Variants in SMARCAD1 observed in about 807,000 individuals in gnomAD.
SMARCAD1 encodes SNF2 related chromatin remodeling ATPase with DExD box 1.
SMARCAD1 carries 25 observed loss-of-function variants against 127.1 expected under a neutral mutation model. That is an observed-to-expected ratio of 0.20 (90% CI 0.14 to 0.27). SMARCAD1 has a LOEUF of 0.27. Ranked by LOEUF, SMARCAD1 falls within the 10% of genes least tolerant of loss-of-function variation. SMARCAD1 has a pLI of 1.00. For synonymous variants in SMARCAD1, 400 were observed against 396.9 expected (o/e 1.01, Z -0.09); for missense variants, 807 against 1,206.0 (o/e 0.67, Z 4.90).
chr4:94,207,856 G>C (rs958971784), upstream of SMARCAD1: 2 of 336,310 alleles, frequency 5.9e-6, no homozygotes, highest in African/African-American at 4.3e-5. Flanking sequence ...TCTCAGCTGG[G>C]ATCGCGCCGC....
intron 16 of SMARCAD1, 131 bp downstream of exon 16, chr4:94,277,290 C>G: frequency 9.4e-7 from 1 of 1,058,458 alleles, no homozygotes; most frequent in Admixed American, 1.9e-5. Context: ...GGTGATAACT[C>G]TATATTTGGA....
At chr4:94,230,728 T>G (rs1408651739) in intron 3 of SMARCAD1, among the ~76,000 whole-genome samples, 3 of 152,096 alleles carry the variant, frequency 2.0e-5, no homozygotes, top group Non-Finnish European at 4.4e-5. Context: ...ATGTGTATGC[T>G]AGAAACTCTG....
chr4:94,265,400 GA>G (rs34360331), intron 10 of SMARCAD1, among the ~76,000 whole-genome samples: 57,386 of 151,460 alleles, frequency 0.38, 11,850 homozygotes, highest in East Asian at 0.71. Context: ...TTTTGGGGTA[GA>G]AATACATCAG....
At chr4:94,230,651 C>A (rs772588240) in intron 3 of SMARCAD1, among the ~76,000 whole-genome samples, 3 of 152,110 alleles carry the variant, frequency 2.0e-5, no homozygotes, top group African/African-American at 7.2e-5. Context: ...TCAGAAATAT[C>A]TCCAGACATT....
chr4:94,233,715 C>G (rs1200551392), intron 3 of SMARCAD1, among the ~76,000 whole-genome samples: 4 of 152,076 alleles, frequency 2.6e-5, no homozygotes, highest in Non-Finnish European at 5.9e-5. Context: ...TCCTTTTGTT[C>G]GTTTCCATCC....
Position 94,226,254 on chromosome 4 carries a change from C to T in SMARCAD1, c.326C>T (p.Thr109Ile), listed in dbSNP as rs1744964912. Residue 109 changes from threonine (T) to isoleucine (I), a missense_variant, in exon 3 of 24, where the codon ACA becomes ATA. By Grantham distance (89) the Thr-to-Ile change is moderately conservative (BLOSUM62 -1). Transcript: ENST00000354268. The part of the protein sequence containing the change: ...EDVVSPNCSN[T>I]VQEKTFNKDT... ...GTCGTTTCCCCAAATTGCTCCAATA[C>T]AGTTCAAGAGAAAACATTCAACAAA... 3 of 1,613,140 alleles carry T rather than the reference C, an allele frequency of 1.9e-6. No homozygotes were observed. The highest frequency in any genetic ancestry group is 2.5e-6 in the Non-Finnish European group (3 of 1,179,348).
intron 23 of SMARCAD1, among the ~76,000 whole-genome samples, chr4:94,287,512 G>T (rs1755112888): frequency 6.6e-6 from 1 of 152,124 alleles, no homozygotes. Flanking sequence ...GCTTGCCTTA[G>T]TTGTTACCAG....
At chr4:94,251,401 A>G (rs957188312) in intron 8 of SMARCAD1, among the ~76,000 whole-genome samples, 9 of 152,202 alleles carry the variant, frequency 5.9e-5, no homozygotes, top group Admixed American at 2.0e-4. Context: ...CAAACCCAGC[A>G]TGGTAGCTTT....
intron 22 of SMARCAD1, among the ~76,000 whole-genome samples, chr4:94,284,049 C>G (rs1040245497): frequency 6.6e-6 from 1 of 151,570 alleles, no homozygotes; most frequent in Non-Finnish European, 1.5e-5. Flanking sequence ...TAGCCGGGCA[C>G]GGTGGCTCAC....
chr4:94,284,829 T>G, intron 22 of SMARCAD1, 131 bp from the exon 23 acceptor site: 2 of 645,214 alleles, frequency 3.1e-6, no homozygotes, highest in Non-Finnish European at 5.4e-6. Context: ...TCAAGTGGCT[T>G]AAATAAAAGA....
At chr4:94,227,055 A>T (rs1335217711) in intron 3 of SMARCAD1, among the ~76,000 whole-genome samples, 1 of 152,072 alleles carries the variant, frequency 6.6e-6, no homozygotes, top group Non-Finnish European at 1.5e-5. Context: ...GCCTCAATTG[A>T]GAAGACAGTG....
chr4:94,271,718 A>C (rs981409920), intron 11 of SMARCAD1, among the ~76,000 whole-genome samples: 1 of 152,218 alleles, frequency 6.6e-6, no homozygotes, highest in African/African-American at 2.4e-5. Flanking sequence ...ATGTCATTTC[A>C]GTTGTGTGAC....
At chr4:94,258,299 C>T (rs1325039684) in intron 9 of SMARCAD1, among the ~76,000 whole-genome samples, 3 of 151,912 alleles carry the variant, frequency 2.0e-5, no homozygotes, top group Non-Finnish European at 2.9e-5. Context: ...GGATTACAGG[C>T]GTCTACCACC....
Position 94,285,009 on chromosome 4 carries a change from A to G in SMARCAD1, c.2959A>G (p.Met987Val). The change falls in exon 23 of 24, where the codon ATG becomes GTG. Residue 987 changes from methionine to valine, a missense_variant. Physicochemically the swap from Met to Val is conservative, Grantham distance 21. Transcript: ENST00000354268. Reference protein sequence around the residue: ...LISQGTIEESMLKINQQKLKL... With the variant: ...LISQGTIEESVLKINQQKLKL... ...AAGCCAAGGGACGATTGAAGAATCC[A>G]TGCTAAAAATTAACCAACAGAAATT... 1 of 1,613,506 alleles carries G rather than the reference A, an allele frequency of 6.2e-7. No individual in the cohort carries two copies. Among genetic ancestry groups the G allele is most frequent in the Non-Finnish European group, 8.5e-7 (1 of 1,179,560 alleles).
At chr4:94,233,554 C>CT (rs1445273967) in intron 3 of SMARCAD1, among the ~76,000 whole-genome samples, 3 of 152,136 alleles carry the variant, frequency 2.0e-5, no homozygotes, top group Non-Finnish European at 4.4e-5. Context: ...CTGAAAATTA[C>CT]TTTATCTTTG....
rs1755512672 is a variant in SMARCAD1, at chr4:94,290,213, GATTA to G, written c.*683_*686del. 2.2e-6 allele frequency: 1 copy of G among 454,444 alleles called. No individual in the cohort carries two copies. The highest frequency in any genetic ancestry group is 4.4e-6 in the Non-Finnish European group (1 of 226,756). The allele number at this position is 454,444 out of a possible 1,614,324, so 28.2% of individuals were successfully genotyped here. A position where few individuals can be genotyped will look rare whatever the true frequency, so the allele number is the denominator to read the frequency against. On this transcript the variant is annotated 3_prime_UTR_variant, in exon 24 of 24. Transcript: ENST00000354268. ...AAAGAAGCCCCTACCTTGCTCCATG[GATTA>G]ATTCCTTCTGTTCATTTTCCAACTG...
At chr4:94,224,547 T>C (rs1200809692) in intron 2 of SMARCAD1, among the ~76,000 whole-genome samples, 1 of 152,190 alleles carries the variant, frequency 6.6e-6, no homozygotes, top group African/African-American at 2.4e-5. Context: ...AATTTTCCAC[T>C]CTTGGAGTCA....
intron 9 of SMARCAD1, among the ~76,000 whole-genome samples, chr4:94,258,910 C>T (rs778429817): frequency 2.0e-5 from 3 of 152,186 alleles, no homozygotes; most frequent in Non-Finnish European, 4.4e-5. Context: ...TTGTTGTTTT[C>T]TGTTTGTCCA....
chr4:94,248,821 T>G (rs181784668), intron 6 of SMARCAD1, among the ~76,000 whole-genome samples: 33 of 152,302 alleles, frequency 2.2e-4, no homozygotes, highest in Non-Finnish European at 4.0e-4. Flanking sequence ...ATTTAGTTAT[T>G]TCTATCTAAG....
Sources: gnomAD v4.1 joint callset for allele counts (sites outside exome capture counted in the v4.1 genomes callset) on GRCh38, gnomAD v4.1.1 for gene constraint, MANE v1.5 for transcripts, NCBI Gene and HGNC (gene_info 2026-07-23, HGNC 2026-07-21) for gene names.